Variants in TTC29 observed in about 807,000 individuals in gnomAD.
The protein encoded by TTC29 is tetratricopeptide repeat domain 29, also known as tetratricopeptide repeat protein 29.
In TTC29, 49 loss-of-function variants were observed where a neutral mutation model predicts 58.1. That is an observed-to-expected ratio of 0.84 (90% CI 0.67 to 1.07). TTC29 has a LOEUF of 1.07. TTC29 is among the 50% of genes least tolerant of loss of function. The pLI, the probability that TTC29 is intolerant of heterozygous loss-of-function variation, is 0.00. For synonymous variants in TTC29, 209 were observed against 196.8 expected (o/e 1.06, Z -0.52); for missense variants, 582 against 555.6 (o/e 1.05, Z -0.48).
At chr4:146,860,306 T>C (rs1730142959) in intron 8 of TTC29, among the ~76,000 whole-genome samples, 1 of 152,190 alleles carries the variant, frequency 6.6e-6, no homozygotes, top group Non-Finnish European at 1.5e-5. Flanking sequence ...TTATCTTTGC[T>C]TACATTTATT....
intron 8 of TTC29, among the ~76,000 whole-genome samples, chr4:146,855,972 C>T (rs1405289009): frequency 2.0e-5 from 3 of 152,120 alleles, no homozygotes; most frequent in Non-Finnish European, 4.4e-5. Flanking sequence ...AACAGCTGTG[C>T]GTTGCCTCTA....
intron 11 of TTC29, among the ~76,000 whole-genome samples, chr4:146,735,340 C>T (rs745435111): frequency 3.1e-4 from 47 of 152,160 alleles, no homozygotes; most frequent in Non-Finnish European, 6.0e-4. Flanking sequence ...TGGGCATCAT[C>T]AGGTTTTTGA....
intron 11 of TTC29, among the ~76,000 whole-genome samples, chr4:146,749,486 G>T (rs1579586128): frequency 1.3e-5 from 2 of 152,026 alleles, no homozygotes; most frequent in South Asian, 2.1e-4. Flanking sequence ...GAAAAGAAAA[G>T]AAAAAAGAAT....
chr4:146,710,818 A>C (rs1451009548), intron 11 of TTC29, among the ~76,000 whole-genome samples: 2 of 152,154 alleles, frequency 1.3e-5, no homozygotes, highest in African/African-American at 4.8e-5. Flanking sequence ...AGTGGGCAAC[A>C]AAAAGATCTC....
intron 4 of TTC29, among the ~76,000 whole-genome samples, chr4:146,928,639 T>C (rs1735100995): frequency 6.6e-6 from 1 of 152,052 alleles, no homozygotes; most frequent in Admixed American, 6.6e-5. Flanking sequence ...TCAGAAGGAG[T>C]CATTTTTTAT....
At chr4:146,746,491 G>GA (rs1316686839) in intron 11 of TTC29, among the ~76,000 whole-genome samples, 2 of 152,120 alleles carry the variant, frequency 1.3e-5, no homozygotes, top group Non-Finnish European at 2.9e-5. Flanking sequence ...CTAAATTCAG[G>GA]AAATTAAAAT....
At chr4:146,736,921 G>T (rs1744748319) in intron 11 of TTC29, among the ~76,000 whole-genome samples, 1 of 152,190 alleles carries the variant, frequency 6.6e-6, no homozygotes, top group African/African-American at 2.4e-5. Context: ...GTGAGGTGCT[G>T]CTGGATTCTA....
chr4:146,834,011 A>T, intron 8 of TTC29, 114 bp from the exon 9 acceptor site: 1 of 626,766 alleles, frequency 1.6e-6, no homozygotes, highest in Non-Finnish European at 2.5e-6. Context: ...TCTATAAAAA[A>T]TTTTGTTGAT....
At chr4:146,726,378 G>A (rs997144591) in intron 11 of TTC29, among the ~76,000 whole-genome samples, 13 of 152,124 alleles carry the variant, frequency 8.5e-5, no homozygotes, top group East Asian at 1.9e-4. Flanking sequence ...GCTTGAACCC[G>A]GGAGGCGGAG....
chr4:146,907,218 G>C (rs1312781708), intron 5 of TTC29, among the ~76,000 whole-genome samples: 1 of 152,092 alleles, frequency 6.6e-6, no homozygotes, highest in South Asian at 2.1e-4. Flanking sequence ...ATATTAAAAT[G>C]TTTTCTACCC....
chr4:146,850,826 T>G (rs9992506), intron 8 of TTC29, among the ~76,000 whole-genome samples: 1 of 152,020 alleles, frequency 6.6e-6, no homozygotes, highest in African/African-American at 2.4e-5. Flanking sequence ...TATTATAAAC[T>G]TATAAAATGG....
rs562533240 is a variant in TTC29 at position 146,907,552 on chromosome 4, G to A, written c.400+1474C>T. The stretch of plus-strand genomic sequence containing the variant: ...TTGCTCTTGTCACCCAAGCTGGAGC[G>A]CAATGGAGCAATCTCAGCTCACTGC... On this transcript the variant is annotated intron_variant, in intron 5 of 12. Coordinates refer to ENST00000325106, the MANE Select transcript of TTC29 (RefSeq NM_031956.4). Among the ~76,000 whole-genome samples the A allele has an allele frequency of 1.2e-4, 18 of 152,296 alleles. No homozygotes were observed. The South Asian group carries it at 2.7e-3, about 23-fold the overall frequency.
Position 146,909,102 on chromosome 4 carries a change from C to T in TTC29, c.324G>A (p.Lys108=). ...ARVRSLFWLQ[K]PLEEQPDKLD... ...GTTTATCAGGCTGCTCCTCCAGGGG[C>T]TTCTGCAGCCAGAAGAGGGACCTGA... The change falls in exon 5 of 13, where the codon AAG becomes AAA. Residue 108 remains lysine, a synonymous_variant. Coordinates refer to ENST00000325106, the MANE Select transcript of TTC29 (RefSeq NM_031956.4). 4 of 1,613,932 alleles carry T rather than the reference C, an allele frequency of 2.5e-6. No homozygotes were observed. The South Asian group carries it at 4.4e-5, about 18-fold the overall frequency.
At chr4:146,896,310 A>T (rs1732766052) in intron 6 of TTC29, among the ~76,000 whole-genome samples, 1 of 152,184 alleles carries the variant, frequency 6.6e-6, no homozygotes. Context: ...TCAACTGTAC[A>T]GCATTTCAAC....
intron 11 of TTC29, among the ~76,000 whole-genome samples, chr4:146,768,751 T>C (rs1440214168): frequency 6.6e-6 from 1 of 152,056 alleles, no homozygotes; most frequent in Admixed American, 6.6e-5. Flanking sequence ...GCAGTAATTC[T>C]TTATCATAAG....
At chr4:146,733,749 T>A (rs1744516699) in intron 11 of TTC29, among the ~76,000 whole-genome samples, 1 of 152,152 alleles carries the variant, frequency 6.6e-6, no homozygotes, top group South Asian at 2.1e-4. Flanking sequence ...GATTTTCAGA[T>A]AAATATTGAA....
intron 8 of TTC29, among the ~76,000 whole-genome samples, chr4:146,862,433 G>A (rs958703574): frequency 6.6e-5 from 10 of 151,980 alleles, no homozygotes; most frequent in African/African-American, 2.2e-4. Flanking sequence ...ATGTAACATC[G>A]TTACTTTCAT....
At chr4:146,714,589 C>T (rs778737452) in intron 11 of TTC29, among the ~76,000 whole-genome samples, 10 of 146,878 alleles carry the variant, frequency 6.8e-5, no homozygotes, top group South Asian at 4.2e-4. Flanking sequence ...ACTTAAAGTA[C>T]GAAAAGAAAA....
chr4:146,766,006 G>C (rs1048029180), intron 11 of TTC29, among the ~76,000 whole-genome samples: 1 of 151,990 alleles, frequency 6.6e-6, no homozygotes, highest in Non-Finnish European at 1.5e-5. Flanking sequence ...GGTAAGTTAG[G>C]GGCTTCAGAA....
Sources: gnomAD v4.1 joint callset for allele counts (sites outside exome capture counted in the v4.1 genomes callset) on GRCh38, gnomAD v4.1.1 for gene constraint, MANE v1.5 for transcripts, NCBI Gene and HGNC (gene_info 2026-07-23, HGNC 2026-07-21) for gene names.